The following OPTN variants were observed in gnomAD, a reference collection of about 807,000 sequenced individuals.
OPTN encodes optineurin.
OPTN carries 54 observed loss-of-function variants against 70.4 expected under a neutral mutation model. That is an observed-to-expected ratio of 0.77 (90% CI 0.62 to 0.96). The LOEUF (loss-of-function observed/expected upper bound fraction) is 0.96. Ranked by LOEUF, OPTN falls within the 40% of genes least tolerant of loss-of-function variation. OPTN has a pLI of 0.00. For synonymous variants in OPTN, 256 were observed against 248.5 expected (o/e 1.03, Z -0.28); for missense variants, 624 against 673.2 (o/e 0.93, Z 0.81).
intron 14 of OPTN, among the ~76,000 whole-genome samples, chr10:13,135,085 A>T (rs925480406): frequency 6.6e-6 from 1 of 152,324 alleles, no homozygotes; most frequent in South Asian, 2.1e-4. Context: ...ATATTCATAC[A>T]TGTTACTACA....
At chr10:13,132,565 G>A (rs1833616234) in intron 13 of OPTN, among the ~76,000 whole-genome samples, 2 of 151,920 alleles carry the variant, frequency 1.3e-5, no homozygotes, top group Admixed American at 6.6e-5. Context: ...CACCCAGGCT[G>A]GAGTGCAGTG....
chr10:13,119,800 C>A (rs1452221046), intron 7 of OPTN, among the ~76,000 whole-genome samples: 1 of 152,150 alleles, frequency 6.6e-6, no homozygotes, highest in Non-Finnish European at 1.5e-5. Flanking sequence ...TCCCTAGTGA[C>A]AGCGATGTTG....
intron 4 of OPTN, 25 bp downstream of exon 4, chr10:13,110,501 G>GT (rs1431378377): frequency 2.7e-6 from 4 of 1,505,446 alleles, no homozygotes; most frequent in South Asian, 1.2e-5. Flanking sequence ...CCATTGTGAT[G>GT]TTGTTTTTTT....
At position 13,119,115 on chromosome 10, in the gene OPTN, G is replaced by C. The variant is rs1273936990; in HGVS notation, c.779+75G>C. On this transcript the variant is annotated intron_variant, in intron 7 of 14. Transcript: ENST00000378747. ...TGAGATATAATTAAGATACCATACA[G>C]TTCACCCATTTAAAGTATACATTTC... The C allele has an allele frequency of 3.8e-6, 5 of 1,318,452 alleles. No individual in the cohort carries two copies. The African/African-American group carries it at 7.3e-5, about 19-fold the overall frequency. The allele number at this position is 1,318,452 out of a possible 1,614,324, so 81.7% of individuals were successfully genotyped here.
chr10:13,103,274 C>T (rs1284273023), intron 1 of OPTN, among the ~76,000 whole-genome samples: 1 of 152,194 alleles, frequency 6.6e-6, no homozygotes, highest in Non-Finnish European at 1.5e-5. Context: ...TAGCATTTGC[C>T]AGTAGCCAAC....
chr10:13,102,201 A>C (rs1435261365), intron 1 of OPTN, among the ~76,000 whole-genome samples: 1 of 152,238 alleles, frequency 6.6e-6, no homozygotes, highest in East Asian at 1.9e-4. Flanking sequence ...GCAAGGACGC[A>C]GAGACAGAAG....
chr10:13,115,641 TTATA>T (rs1209661129), intron 5 of OPTN, among the ~76,000 whole-genome samples: 7 of 139,710 alleles, frequency 5.0e-5, no homozygotes, highest in African/African-American at 1.8e-4. Context: ...TCTAAATATA[TTATA>T]TATATATTTA....
chr10:13,110,420 G>A lies in OPTN; in HGVS notation c.313G>A (p.Glu105Lys), dbSNP rs1006078948. The A allele has an allele frequency of 1.9e-6, 3 of 1,614,100 alleles. No individual in the cohort carries two copies. Among genetic ancestry groups the A allele is most frequent in the Non-Finnish European group, 2.5e-6 (3 of 1,179,998 alleles). The change falls in exon 4 of 15, where the codon GAG (glutamate) becomes AAG (lysine). Residue 105 changes from glutamate to lysine, a missense_variant. Coordinates refer to ENST00000378747, the MANE Select transcript of OPTN (RefSeq NM_001008212.2). ...TCTAATGGCCTTGAGTCATGAGAATGAGAAATTGAAGGAAGAGCTTGGAAA... is the reference window on the plus strand; with the variant it reads ...TCTAATGGCCTTGAGTCATGAGAATAAGAAATTGAAGGAAGAGCTTGGAAA... ...ERLMALSHEN[E>K]KLKEELGKLK...
chr10:13,125,938 T>C lies in OPTN; in HGVS notation c.1149-8T>C. ...CAGGATTCCATTTTTTAATATCTTT[T>C]TTAATAGGTCCAAATTAACTGTGCT... On this transcript the variant is annotated splice_region_variant and splice_polypyrimidine_tract_variant and intron_variant, in intron 10 of 14. Coordinates refer to ENST00000378747, the MANE Select transcript of OPTN (RefSeq NM_001008212.2). 1.3e-6 allele frequency: 2 copies of C among 1,592,602 alleles called. No individual in the cohort carries two copies. Among genetic ancestry groups the C allele is most frequent in the Non-Finnish European group, 1.7e-6 (2 of 1,160,570 alleles).
At chr10:13,126,119 T>C (rs1461956820) in intron 11 of OPTN, 80 bp downstream of exon 11, 1 of 843,646 alleles carries the variant, frequency 1.2e-6, no homozygotes, top group African/African-American at 1.7e-5. Flanking sequence ...AATAGTTACA[T>C]GAATCCTTCA....
chr10:13,103,043 C>T (rs1832784501), intron 1 of OPTN, among the ~76,000 whole-genome samples: 1 of 152,060 alleles, frequency 6.6e-6, no homozygotes. Context: ...AAGAATCAAG[C>T]CTTACTCCCA....
intron 5 of OPTN, among the ~76,000 whole-genome samples, chr10:13,115,464 A>C (rs191664201): frequency 1.0e-5 from 1 of 99,248 alleles, no homozygotes; most frequent in African/African-American, 5.2e-5. Context: ...ATATTATATA[A>C]TATAGAATAT....
chr10:13,109,496 C>T, intron 3 of OPTN: 1 of 573,676 alleles, frequency 1.7e-6, no homozygotes, highest in Non-Finnish European at 3.1e-6. Context: ...CTGTGTGTAT[C>T]TCAAGGAAGT....
Position 13,127,832 on chromosome 10 carries a change from A to G in OPTN, c.1330A>G (p.Met444Val), listed in dbSNP as rs900961302. ...GGCTCTGGCTTCCAAACAGCTGCAA[A>G]TGGATGAAATGAAGCAAACCATTGC... ...EKALASKQLQ[M>V]DEMKQTIAKQ... Residue 444 changes from methionine (M) to valine (V), a missense_variant, in exon 12 of 15, where the codon ATG becomes GTG. Transcript: ENST00000378747. 13 of 1,614,016 alleles carry G rather than the reference A, an allele frequency of 8.1e-6. No homozygotes were observed. The highest frequency in any genetic ancestry group is 1.3e-5 in the African/African-American group (1 of 74,910).
At chr10:13,119,567 G>A (rs1210773768) in intron 7 of OPTN, among the ~76,000 whole-genome samples, 3 of 152,152 alleles carry the variant, frequency 2.0e-5, no homozygotes, top group African/African-American at 4.8e-5. Context: ...GGGGTATATC[G>A]TTATGGGTGG....
At chr10:13,112,009 A>AGCTTGG (rs1267713174) in intron 4 of OPTN, among the ~76,000 whole-genome samples, 25 of 150,790 alleles carry the variant, frequency 1.7e-4, no homozygotes, top group African/African-American at 6.1e-4. Flanking sequence ...CACCACGCCC[A>AGCTTGG]GCTAATCTTT....
Position 13,127,884 on chromosome 10 carries a change from T to C in OPTN, c.1382T>C (p.Met461Thr), listed in dbSNP as rs1311991752. The change falls in exon 12 of 15, where the codon ATG becomes ACG. Residue 461 changes from methionine (M) to threonine (T), a missense_variant. By Grantham distance (81) the Met-to-Thr change is moderately conservative (BLOSUM62 -1). Transcript: ENST00000378747. ...IAKQEEDLET[M>T]TILRAQMEVY... is the part of the protein sequence containing the mutation. ...AAGCAGGAAGAGGACCTGGAAACCA[T>C]GACCATCCTCAGGGCTCAGGTGAGG... The C allele has an allele frequency of 1.9e-6, 3 of 1,614,022 alleles. No homozygotes were observed. Among genetic ancestry groups the C allele is most frequent in the African/African-American group, 2.7e-5 (2 of 74,906 alleles).
chr10:13,136,712 T>C (rs558751003), intron 14 of OPTN, 33 bp from the exon 15 acceptor site: 1 of 1,613,618 alleles, frequency 6.2e-7, no homozygotes, highest in Non-Finnish European at 8.5e-7. Context: ...GCCTGCAAAA[T>C]GGAACTAATG....
At chr10:13,125,684 T>C in intron 10 of OPTN, 117 bp downstream of exon 10, 1 of 1,250,506 alleles carries the variant, frequency 8.0e-7, no homozygotes, top group Non-Finnish European at 1.1e-6. Flanking sequence ...TTCACTTATC[T>C]GAAGGAGTCC....
Sources: allele counts gnomAD v4.1 joint callset (sites outside exome capture counted in the v4.1 genomes callset), GRCh38; gene constraint gnomAD v4.1.1; transcripts MANE v1.5; gene names NCBI Gene and HGNC (gene_info 2026-07-23, HGNC 2026-07-21).